The following ZNF536 variants were observed in gnomAD, a reference collection of about 807,000 sequenced individuals.
ZNF536 encodes the protein zinc finger protein 536.
In ZNF536, 13 loss-of-function variants were observed where a neutral mutation model predicts 84.5. That is an observed-to-expected ratio of 0.15 (90% confidence interval 0.10 to 0.24). The LOEUF is 0.24. ZNF536 is among the 10% of genes least tolerant of loss of function. The probability of loss-of-function intolerance (pLI) is 1.00; values close to 1 mark genes in which losing one functional copy is unlikely to be tolerated. For synonymous variants in ZNF536, 811 were observed against 742.5 expected (o/e 1.09, Z -1.50); for missense variants, 1,536 against 1,747.5 (o/e 0.88, Z 2.16).
Position 30,704,960 on chromosome 19 carries a change from C to A in ZNF536, c.170-5797C>A, listed in dbSNP as rs151226222. 4.4e-3 allele frequency among the ~76,000 whole-genome samples: 644 copies of A among 146,432 alleles called. 6 individuals are homozygous for A. Among genetic ancestry groups the A allele is most frequent in the South Asian group, 8.8e-3 (41 of 4,638 alleles). ...TTTTTCTGGAGCACTTGCTTATGTT[C>A]TCTGACCCAAAGCCAACAGATCCCA... On this transcript the variant is annotated intron_variant, in intron 1 of 1. Transcript: ENST00000592773.
intron 1 of ZNF536, among the ~76,000 whole-genome samples, chr19:30,663,790 T>C (rs2147615763): frequency 6.6e-6 from 1 of 152,294 alleles, no homozygotes; most frequent in Non-Finnish European, 1.5e-5. Context: ...TATAAAAATC[T>C]ATATGTCCAT....
intron 1 of ZNF536, among the ~76,000 whole-genome samples, chr19:30,615,554 C>T (rs1450334686): frequency 6.6e-6 from 1 of 150,612 alleles, no homozygotes; most frequent in Non-Finnish European, 1.5e-5. Flanking sequence ...TCTGGTCAGG[C>T]TTATTCTTTT....
rs2022770204 is a variant in ZNF536 at position 30,228,706 on chromosome 19, G to C, written c.-190+33G>C. The C allele has an allele frequency of 6.6e-6, 1 of 151,304 alleles. No individual in the cohort carries two copies. The highest frequency in any genetic ancestry group is 2.4e-5 in the African/African-American group (1 of 41,290). The allele number at this position is 151,304 out of a possible 1,614,324, so 9.4% of individuals were successfully genotyped here. ...CCCTGCGGTGGCCTCGGCGCGCCCC[G>C]GGGTGAGCGCGCAAAGCCGGGAGCG... On this transcript the variant is annotated intron_variant, in intron 1 of 5. Coordinates refer to the ZNF536 transcript ENST00000585628. The surrounding 1 kb of genome is among the most constrained non-coding windows in gnomAD (Gnocchi z 4.5).
intron 3 of ZNF536, among the ~76,000 whole-genome samples, chr19:30,352,949 C>T (rs918305427): frequency 6.6e-6 from 1 of 152,222 alleles, no homozygotes; most frequent in African/African-American, 2.4e-5. Context: ...TTTGAAATAG[C>T]TTTTCTGAAA....
intron 2 of ZNF536, among the ~76,000 whole-genome samples, chr19:30,481,005 G>A (rs190872504): frequency 2.0e-5 from 3 of 147,586 alleles, no homozygotes; most frequent in Non-Finnish European, 3.0e-5. Context: ...CTCCAGCCTG[G>A]GCAACAGAGT....
chr19:30,662,730 A>G (rs1415770679), intron 1 of ZNF536, among the ~76,000 whole-genome samples: 2 of 152,120 alleles, frequency 1.3e-5, no homozygotes, highest in Non-Finnish European at 2.9e-5. Flanking sequence ...CCATTTCCCC[A>G]TGTTAATGCT....
chr19:30,571,329 G>T (rs2046538102), intron 1 of ZNF536, among the ~76,000 whole-genome samples: 1 of 152,112 alleles, frequency 6.6e-6, no homozygotes, highest in African/African-American at 2.4e-5. Flanking sequence ...GATGGCTTTT[G>T]CAGGTCTGCT....
chr19:30,394,686 C>T (rs2049740726), intron 1 of ZNF536, among the ~76,000 whole-genome samples: 1 of 152,188 alleles, frequency 6.6e-6, no homozygotes, highest in Non-Finnish European at 1.5e-5. Flanking sequence ...GGAAATTACA[C>T]ATGAGCAGTT....
At chr19:30,262,111 G>A (rs186832986) in intron 1 of ZNF536, among the ~76,000 whole-genome samples, 7 of 152,324 alleles carry the variant, frequency 4.6e-5, no homozygotes, top group African/African-American at 1.2e-4. Flanking sequence ...TTTAGGTGGC[G>A]ATGGTGGTGC....
intron 1 of ZNF536, among the ~76,000 whole-genome samples, chr19:30,633,978 C>T (rs553450069): frequency 2.0e-5 from 3 of 152,150 alleles, no homozygotes; most frequent in South Asian, 4.2e-4. Context: ...GGTGCTATTT[C>T]CCTCATGAAA....
intron 2 of ZNF536, among the ~76,000 whole-genome samples, chr19:30,525,247 C>G (rs552721015): frequency 2.6e-5 from 4 of 152,164 alleles, no homozygotes; most frequent in Non-Finnish European, 5.9e-5. Context: ...CCCAGGCCTC[C>G]TCACCCTGCA....
intron 1 of ZNF536, among the ~76,000 whole-genome samples, chr19:30,231,818 GTGTC>G (rs1054881353): frequency 4.6e-5 from 7 of 152,110 alleles, no homozygotes; most frequent in Non-Finnish European, 1.0e-4. Context: ...GTGTGTGTGT[GTGTC>G]TGTCTGTCTG....
At chr19:30,580,191 A>G (rs1050799235) in intron 1 of ZNF536, among the ~76,000 whole-genome samples, 8 of 152,084 alleles carry the variant, frequency 5.3e-5, no homozygotes, top group Non-Finnish European at 1.0e-4. Context: ...AATGGCCAAC[A>G]TTGGGTCCAG....
intron 1 of ZNF536, among the ~76,000 whole-genome samples, chr19:30,374,188 A>C (rs2048718823): frequency 6.6e-6 from 1 of 152,096 alleles, no homozygotes; most frequent in Admixed American, 6.6e-5. Flanking sequence ...ATAAAGAAAG[A>C]GTTTTTTTTT....
intron 2 of ZNF536, among the ~76,000 whole-genome samples, chr19:30,334,122 G>A (rs750730040): frequency 6.6e-6 from 1 of 152,190 alleles, no homozygotes; most frequent in Non-Finnish European, 1.5e-5. Flanking sequence ...CATCACTGGA[G>A]CATGGTAGCA....
intron 2 of ZNF536, among the ~76,000 whole-genome samples, chr19:30,307,661 C>T (rs1296100581): frequency 2.0e-5 from 3 of 152,080 alleles, no homozygotes; most frequent in Non-Finnish European, 2.9e-5. Flanking sequence ...TGATTGCTAC[C>T]GTTTTTCTTT....
intron 3 of ZNF536, among the ~76,000 whole-genome samples, chr19:30,365,549 G>T (rs76254376): frequency 0.012 from 1,840 of 152,286 alleles, 43 homozygotes; most frequent in African/African-American, 0.042. Flanking sequence ...CCACTTCTAT[G>T]AATGCAGGCA....
chr19:30,236,785 G>A (rs2023552772), intron 1 of ZNF536, among the ~76,000 whole-genome samples: 1 of 152,166 alleles, frequency 6.6e-6, no homozygotes, highest in Non-Finnish European at 1.5e-5. Flanking sequence ...GCCCTGGGAT[G>A]TAACGGATGG....
At chr19:30,659,346 T>C (rs2050034086) in intron 1 of ZNF536, among the ~76,000 whole-genome samples, 1 of 151,832 alleles carries the variant, frequency 6.6e-6, no homozygotes, top group Non-Finnish European at 1.5e-5. Flanking sequence ...CAACCAGATC[T>C]CGTGAGCACT....
Sources: gnomAD v4.1 joint callset for allele counts (sites outside exome capture counted in the v4.1 genomes callset) on GRCh38, gnomAD v4.1.1 for gene constraint, Gnocchi (gnomAD v3.1) non-coding constraint, MANE v1.5 for transcripts, NCBI Gene and HGNC (gene_info 2026-07-23, HGNC 2026-07-21) for gene names.